Variants in PCLAF observed in about 807,000 individuals in gnomAD.
PCLAF encodes PCNA clamp associated factor, also known as PCNA-associated factor.
A neutral mutation model predicts 15.1 loss-of-function variants in PCLAF; 12 were observed. The ratio of observed to expected loss-of-function variants is 0.79; its 90% confidence interval spans 0.51 to 1.29. The LOEUF (loss-of-function observed/expected upper bound fraction) is 1.29, where lower values mean the gene tolerates loss of function less well. Ranked by LOEUF, PCLAF falls within the 50% of genes most tolerant of loss-of-function variation. The pLI, the probability that PCLAF is intolerant of heterozygous loss-of-function variation, is 0.00. For synonymous variants in PCLAF, 33 were observed against 47.1 expected (o/e 0.70, Z 1.22); for missense variants, 116 against 130.9 (o/e 0.89, Z 0.56).
chr15:64,375,281 C>A (rs7342627), intron 3 of PCLAF, among the ~76,000 whole-genome samples: 6 of 152,032 alleles, frequency 3.9e-5, no homozygotes, highest in Non-Finnish European at 8.8e-5. Flanking sequence ...CGTGCCACCA[C>A]GCCCGGCTAA....
At chr15:64,374,182 G>T (rs890039173) in intron 3 of PCLAF, among the ~76,000 whole-genome samples, 4 of 152,058 alleles carry the variant, frequency 2.6e-5, no homozygotes, top group Non-Finnish European at 5.9e-5. Flanking sequence ...AGAATTTTGG[G>T]TTAACAATTA....
Position 64,364,645 on chromosome 15 carries a change from A to T in PCLAF, c.*1385T>A, listed in dbSNP as rs1898958979. ...ACTGTGTGTGCCACCATGCCAGGCT[A>T]ATTTTTTATTGTTCATATATAAATA... On this transcript the variant is annotated 3_prime_UTR_variant, in exon 4 of 4. Transcript: ENST00000300035. 6.6e-6 allele frequency: 1 copy of T among 150,898 alleles called. No homozygotes were observed. Among genetic ancestry groups the T allele is most frequent in the African/African-American group, 2.4e-5 (1 of 41,152 alleles). 9.3% of individuals were successfully genotyped at this position (150,898 alleles called of 1,614,324 possible).
intron 3 of PCLAF, among the ~76,000 whole-genome samples, chr15:64,375,285 C>T (rs769927213): frequency 2.6e-5 from 4 of 152,058 alleles, no homozygotes; most frequent in Non-Finnish European, 4.4e-5. Context: ...CCACCACGCC[C>T]GGCTAATTTT....
At chr15:64,380,918 G>A in intron 2 of PCLAF, 40 bp downstream of exon 2, 1 of 1,562,022 alleles carries the variant, frequency 6.4e-7, no homozygotes, top group South Asian at 1.1e-5. Context: ...GCTTGCAGGT[G>A]CCAGGACTGA....
At chr15:64,371,143 T>C (rs1899295789) in intron 3 of PCLAF, among the ~76,000 whole-genome samples, 2 of 151,920 alleles carry the variant, frequency 1.3e-5, no homozygotes, top group Non-Finnish European at 2.9e-5. Flanking sequence ...TAATTTTTTG[T>C]ATTTTTAGTA....
In PCLAF at chr15:64,380,957, C is replaced by T; in HGVS notation, c.127+1G>A. ...CCTAACTTTAGGAGGGCTCTTCTTA[C>T]CTTTCCTCGATGAAACTGATGTCGA... On this transcript the variant is annotated splice_donor_variant, in intron 2 of 3. Coordinates refer to ENST00000300035, the MANE Select transcript of PCLAF (RefSeq NM_014736.6). LOFTEE classifies it high-confidence loss of function. The T allele has an allele frequency of 6.2e-7, 1 of 1,613,892 alleles. No individual in the cohort carries two copies. The highest frequency in any genetic ancestry group is 1.3e-5 in the African/African-American group (1 of 75,020).
intron 3 of PCLAF, among the ~76,000 whole-genome samples, chr15:64,370,347 G>A (rs1019154094): frequency 6.7e-6 from 1 of 149,648 alleles, no homozygotes; most frequent in Non-Finnish European, 1.5e-5. Flanking sequence ...TGCTAGGCAT[G>A]CCTGGCCTCA....
At chr15:64,381,093 G>A in intron 1 of PCLAF, 55 bp from the exon 2 acceptor site, 3 of 1,539,156 alleles carry the variant, frequency 1.9e-6, no homozygotes, top group African/African-American at 1.4e-5. Flanking sequence ...TTCCGACACC[G>A]AGTCCTGGAC....
At chr15:64,377,489 ATATAT>A (rs1271206065) in intron 2 of PCLAF, among the ~76,000 whole-genome samples, 206 of 16,454 alleles carry the variant, frequency 0.013, 47 homozygotes, top group South Asian at 0.023. Context: ...AAAAAAAAAA[ATATAT>A]ATATATATAT....
chr15:64,385,252 T>C (rs1436108255), upstream of PCLAF, among the ~76,000 whole-genome samples: 2 of 152,288 alleles, frequency 1.3e-5, no homozygotes, highest in East Asian at 3.9e-4. Flanking sequence ...TTATATTATA[T>C]GAAAAAACTT....
exon 1 of PCLAF, chr15:64,387,644 CACTG>C: frequency 7.1e-7 from 1 of 1,414,908 alleles, no homozygotes; most frequent in Non-Finnish European, 9.2e-7. Flanking sequence ...AAGAATCATG[CACTG>C]ACAGAGCTCG....
At chr15:64,385,472 A>T (rs2140537539), upstream of PCLAF, among the ~76,000 whole-genome samples, 1 of 152,026 alleles carries the variant, frequency 6.6e-6, no homozygotes. Flanking sequence ...CTACAAATAC[A>T]AAATTAGCCG....
chr15:64,379,756 A>T (rs544571161), intron 2 of PCLAF, among the ~76,000 whole-genome samples: 1 of 152,322 alleles, frequency 6.6e-6, no homozygotes, highest in South Asian at 2.1e-4. Flanking sequence ...ATGAGGCACC[A>T]GATGGCAGGG....
chr15:64,382,058 G>A (rs1046916887), upstream of PCLAF, among the ~76,000 whole-genome samples: 2 of 152,092 alleles, frequency 1.3e-5, no homozygotes, highest in Non-Finnish European at 2.9e-5. Flanking sequence ...CTAATAAAAC[G>A]TCTTCTTGAG....
intron 2 of PCLAF, among the ~76,000 whole-genome samples, chr15:64,379,680 C>T (rs1311915623): frequency 6.6e-6 from 1 of 152,064 alleles, no homozygotes; most frequent in African/African-American, 2.4e-5. Flanking sequence ...CAGTGTTCAC[C>T]TTTATGTTCT....
intron 2 of PCLAF, among the ~76,000 whole-genome samples, chr15:64,378,365 T>C (rs1899699639): frequency 6.6e-6 from 1 of 152,174 alleles, no homozygotes; most frequent in African/African-American, 2.4e-5. Context: ...CTTTAACAAC[T>C]CTAGTTGTTA....
At chr15:64,385,814 AG>A (rs1007450285), upstream of PCLAF, among the ~76,000 whole-genome samples, 27 of 152,230 alleles carry the variant, frequency 1.8e-4, no homozygotes, top group Middle Eastern at 3.4e-3. Context: ...AGAACAAAAA[AG>A]GTGAGAAAAA....
At chr15:64,386,419 C>T (rs1899937999), upstream of PCLAF, among the ~76,000 whole-genome samples, 1 of 152,126 alleles carries the variant, frequency 6.6e-6, no homozygotes, top group Non-Finnish European at 1.5e-5. Flanking sequence ...CTTCCAGGCC[C>T]AAGTGATCCT....
At chr15:64,378,639 G>A (rs936378289) in intron 2 of PCLAF, among the ~76,000 whole-genome samples, 58 of 152,084 alleles carry the variant, frequency 3.8e-4, no homozygotes, top group African/African-American at 1.3e-3. Context: ...GCAGCTGGGC[G>A]CAGTGGCTCA....
Sources: allele counts gnomAD v4.1 joint callset (sites outside exome capture counted in the v4.1 genomes callset), GRCh38; gene constraint gnomAD v4.1.1; transcripts MANE v1.5; gene names NCBI Gene and HGNC (gene_info 2026-07-23, HGNC 2026-07-21).